The following PUDP variants were observed in gnomAD, a reference collection of about 807,000 sequenced individuals.
The protein encoded by PUDP is pseudouridine 5'-phosphatase.
In PUDP, 8 loss-of-function variants were observed where a neutral mutation model predicts 9.4. That is an observed-to-expected ratio of 0.85 (90% CI 0.50 to 1.53). The LOEUF (loss-of-function observed/expected upper bound fraction) is 1.53. PUDP is among the 40% of genes most tolerant of loss of function. The probability of loss-of-function intolerance (pLI) is 0.00; values close to 1 mark genes in which losing one functional copy is unlikely to be tolerated. For missense variants in PUDP, 188 were observed against 189.7 expected (o/e 0.99, Z 0.05); for synonymous variants, 99 against 80.7 (o/e 1.23, Z -1.22).
intron 2 of PUDP, among the ~76,000 whole-genome samples, chrX:7,090,202 T>C (rs1393560359): frequency 1.8e-5 from 2 of 110,964 alleles, no homozygotes; most frequent in Non-Finnish European, 3.8e-5. Flanking sequence ...TTAAAGTATA[T>C]ATAGTATCTA....
At chrX:7,012,705 G>A (rs1929494321) in intron 1 of PUDP, among the ~76,000 whole-genome samples, 1 of 110,984 alleles carries the variant, frequency 9.0e-6, no homozygotes, top group South Asian at 3.9e-4. Context: ...AGGTTGGTGA[G>A]AGATGATGCC....
At chrX:7,006,308 G>T (rs1011606941) in intron 1 of PUDP, among the ~76,000 whole-genome samples, 1 of 111,882 alleles carries the variant, frequency 8.9e-6, no homozygotes, top group Non-Finnish European at 1.9e-5. Context: ...AGTGCAAAAG[G>T]GTTCCAATTT....
In PUDP at chrX:6,751,159, A is replaced by C. The variant is rs184216312; in HGVS notation, c.*248-44693T>G. Among the ~76,000 whole-genome samples, 406 of 110,387 alleles carry C rather than the reference A, an allele frequency of 3.7e-3. 1 individual carries two copies. The highest frequency in any genetic ancestry group is 6.6e-3 in the Non-Finnish European group (349 of 52,867). On this transcript the variant is annotated intron_variant and NMD_transcript_variant, in intron 3 of 3. Transcript: ENST00000655425. ...TCCGTCTAAAAAAAAGGAAAGAAAG[A>C]AAAAAGAAAGAAAGAAAGAAAAAAA...
intron 1 of PUDP, among the ~76,000 whole-genome samples, chrX:7,024,588 T>C (rs777812708): frequency 1.3e-5 from 1 of 75,687 alleles, no homozygotes; most frequent in South Asian, 7.3e-4. Flanking sequence ...CCTAGCCTTC[T>C]CTCTTTTTTT....
At chrX:7,142,482 C>T (rs1243058815) in intron 1 of PUDP, among the ~76,000 whole-genome samples, 1 of 111,628 alleles carries the variant, frequency 9.0e-6, no homozygotes, top group Non-Finnish European at 1.9e-5. Flanking sequence ...TGAATAGACA[C>T]TGCTTCTTAG....
At chrX:7,128,920 G>A (rs1017302947) in intron 1 of PUDP, among the ~76,000 whole-genome samples, 1 of 111,605 alleles carries the variant, frequency 9.0e-6, no homozygotes, top group East Asian at 2.8e-4. Flanking sequence ...TTTTTTATAT[G>A]AGATTATAAA....
intron 1 of PUDP, among the ~76,000 whole-genome samples, chrX:7,123,189 C>T (rs755511721): frequency 2.7e-5 from 3 of 112,510 alleles, no homozygotes; most frequent in South Asian, 3.7e-4. Flanking sequence ...ACAGTATAAA[C>T]GTTATGTTTT....
chrX:6,805,725 C>T (rs1926040362), intron 3 of PUDP, among the ~76,000 whole-genome samples: 1 of 108,710 alleles, frequency 9.2e-6, no homozygotes, highest in African/African-American at 3.4e-5. Flanking sequence ...GCTATGTTGC[C>T]CAGGCTGGTC....
At chrX:6,856,366 G>A (rs906650333) in intron 3 of PUDP, among the ~76,000 whole-genome samples, 2 of 111,754 alleles carry the variant, frequency 1.8e-5, no homozygotes, top group African/African-American at 6.5e-5. Context: ...CAATTTATAG[G>A]TGACTAGAAT....
intron 3 of PUDP, among the ~76,000 whole-genome samples, chrX:6,861,807 G>A (rs1445815086): frequency 9.0e-6 from 1 of 111,339 alleles, no homozygotes; most frequent in Non-Finnish European, 1.9e-5. Flanking sequence ...CTCACCCCTG[G>A]GAAGGAAGGT....
intron 3 of PUDP, among the ~76,000 whole-genome samples, chrX:6,873,185 C>T (rs924051699): frequency 1.8e-5 from 2 of 111,341 alleles, no homozygotes; most frequent in African/African-American, 6.5e-5. Context: ...GGATCCATTC[C>T]TGGCTTTGGT....
At chrX:6,736,347 A>C (rs1333018647) in intron 3 of PUDP, among the ~76,000 whole-genome samples, 1 of 111,852 alleles carries the variant, frequency 8.9e-6, no homozygotes, top group Non-Finnish European at 1.9e-5. Flanking sequence ...ATCAGGTCCT[A>C]ATACCTGGAA....
At chrX:6,868,860 T>G (rs1927129819) in intron 3 of PUDP, among the ~76,000 whole-genome samples, 1 of 112,210 alleles carries the variant, frequency 8.9e-6, no homozygotes, top group Non-Finnish European at 1.9e-5. Flanking sequence ...GGGGTGAGCA[T>G]CTCAGTCACT....
At chrX:7,140,082 G>A (rs1389353092) in intron 1 of PUDP, among the ~76,000 whole-genome samples, 2 of 112,373 alleles carry the variant, frequency 1.8e-5, no homozygotes, top group Admixed American at 1.9e-4. Context: ...GCTATGAAAA[G>A]CCATGGGGAA....
chrX:6,869,283 G>T (rs1322205300), intron 3 of PUDP, among the ~76,000 whole-genome samples: 1 of 111,894 alleles, frequency 8.9e-6, no homozygotes, highest in Non-Finnish European at 1.9e-5. Flanking sequence ...TGGGAATTTG[G>T]ACTGGGCACA....
chrX:7,048,101 A>C (rs780052780), downstream of PUDP, among the ~76,000 whole-genome samples: 11 of 112,153 alleles, frequency 9.8e-5, no homozygotes, highest in Admixed American at 5.7e-4. Context: ...AAAAAGTCTA[A>C]TAAGTAGTAA....
Position 7,105,650 on chromosome X carries a change from C to T in PUDP, c.250G>A (p.Glu84Lys). Reference protein sequence around the residue: ...LVEESQTKLKEVFPTAALMPG... With the variant: ...LVEESQTKLKKVFPTAALMPG... ...ATGAGCGCAGCCGTGGGGAACACTTCCTTTAACTTCGTTTGGCTTTCTTCC... is the reference window on the plus strand; with the variant it reads ...ATGAGCGCAGCCGTGGGGAACACTTTCTTTAACTTCGTTTGGCTTTCTTCC... The change falls in exon 2 of 4, where the codon GAA becomes AAA. Residue 84 changes from glutamate (E) to lysine (K), a missense_variant. Transcript: ENST00000381077. The T allele has an allele frequency of 2.5e-6, 3 of 1,209,495 alleles. No individual in the cohort carries two copies. The highest frequency in any genetic ancestry group is 1.8e-5 in the South Asian group (1 of 56,530).
At chrX:6,749,451 G>A (rs1925039630) in intron 3 of PUDP, among the ~76,000 whole-genome samples, 1 of 111,409 alleles carries the variant, frequency 9.0e-6, no homozygotes, top group Admixed American at 9.5e-5. Context: ...TGGCCGTTGT[G>A]TTTAGGCTGC....
chrX:6,962,767 T>C (rs954627005), intron 3 of PUDP, among the ~76,000 whole-genome samples: 10 of 112,890 alleles, frequency 8.9e-5, no homozygotes, highest in Non-Finnish European at 1.9e-4. Flanking sequence ...TCTAACACCA[T>C]TCTGTGTGAA....
Sources: gnomAD v4.1 joint callset for allele counts (sites outside exome capture counted in the v4.1 genomes callset) on GRCh38, gnomAD v4.1.1 for gene constraint, MANE v1.5 for transcripts, NCBI Gene and HGNC (gene_info 2026-07-23, HGNC 2026-07-21) for gene names.